The following CELF2 variants were observed in gnomAD, a reference collection of about 807,000 sequenced individuals.
The protein encoded by CELF2 is CUGBP Elav-like family member 2, also known as CUG triplet repeat RNA-binding protein 2.
CELF2 carries 8 observed loss-of-function variants against 62.6 expected under a neutral mutation model. The observed-to-expected ratio is 0.13, with a 90% confidence interval of 0.07 to 0.23. CELF2 has a LOEUF of 0.23. Ranked by LOEUF, CELF2 falls within the 10% of genes least tolerant of loss-of-function variation. CELF2 has a pLI of 1.00. For synonymous variants in CELF2, 258 were observed against 250.0 expected, an observed-to-expected ratio of 1.03 and a Z score of -0.30; for missense variants, 333 against 671.0, an observed-to-expected ratio of 0.50 and a Z score of 5.56.
At chr10:10,896,546 G>C (rs1381326489) in intron 1 of CELF2, among the ~76,000 whole-genome samples, 1 of 151,752 alleles carries the variant, frequency 6.6e-6, no homozygotes, top group Non-Finnish European at 1.5e-5. Context: ...AATATGGCCA[G>C]TATTCTTATA....
At chr10:11,072,201 A>G (rs777016051) in intron 1 of CELF2, among the ~76,000 whole-genome samples, 20 of 152,168 alleles carry the variant, frequency 1.3e-4, no homozygotes, top group Non-Finnish European at 2.6e-4. Context: ...TTTTCAGCCC[A>G]TGGAAGACAC....
At chr10:10,661,924 C>A in the CELF2 span, among the ~76,000 whole-genome samples, 1 of 152,306 alleles carries the variant, frequency 6.6e-6, no homozygotes, top group African/African-American at 2.4e-5. Flanking sequence ...ACCTTTGTAT[C>A]TAAACATCAG....
chr10:10,470,387 G>T, the CELF2 span, among the ~76,000 whole-genome samples: 1 of 151,740 alleles, frequency 6.6e-6, no homozygotes, highest in African/African-American at 2.4e-5. Context: ...TAGATCAGAA[G>T]TCTGATACAG....
At chr10:10,669,228 A>G in the CELF2 span, among the ~76,000 whole-genome samples, 36 of 152,378 alleles carry the variant, frequency 2.4e-4, no homozygotes, top group East Asian at 4.8e-3. Context: ...CCTACAAAAT[A>G]GAGATTAAAA....
the CELF2 span, among the ~76,000 whole-genome samples, chr10:10,775,123 G>A: frequency 8.6e-5 from 13 of 151,968 alleles, no homozygotes; most frequent in South Asian, 1.0e-3. Flanking sequence ...GTGATCCACC[G>A]GCCTCAGCCT....
chr10:10,703,068 C>T, the CELF2 span, among the ~76,000 whole-genome samples: 1 of 152,214 alleles, frequency 6.6e-6, no homozygotes, highest in Admixed American at 6.5e-5. Flanking sequence ...TCCTCCAGAA[C>T]CAACCCGACT....
chr10:11,053,523 A>G (rs577431739), intron 1 of CELF2, among the ~76,000 whole-genome samples: 2 of 151,974 alleles, frequency 1.3e-5, no homozygotes, highest in Non-Finnish European at 2.9e-5. Context: ...AATTTTTTGC[A>G]TCAACAAATT....
chr10:10,497,680 G>A, the CELF2 span, among the ~76,000 whole-genome samples: 318 of 152,324 alleles, frequency 2.1e-3, no homozygotes, highest in Non-Finnish European at 3.8e-3. Flanking sequence ...GCAAGGGCAA[G>A]GCCATGGAGC....
rs961436550 is a variant in CELF2 at position 10,995,227 on chromosome 10, G to A, written c.89+75228G>A. 6.6e-6 allele frequency among the ~76,000 whole-genome samples: 1 copy of A among 152,194 alleles called. No homozygotes were observed. Among genetic ancestry groups the A allele is most frequent in the African/African-American group, 2.4e-5 (1 of 41,450 alleles). ...CTAACACTGTAGTCCTTCAGAAAAA[G>A]AAACGTGTGGCTCATGTAGCTCGTC... On this transcript the variant is annotated intron_variant, in intron 2 of 13. Transcript: ENST00000636488. The surrounding 1 kb of genome is among the most constrained non-coding windows in gnomAD (Gnocchi z 4.7).
the CELF2 span, among the ~76,000 whole-genome samples, chr10:10,598,316 C>T: frequency 2.6e-5 from 4 of 152,140 alleles, no homozygotes; most frequent in African/African-American, 4.8e-5. Context: ...CCTTGATAGA[C>T]GTCTGTCAGT....
the CELF2 span, among the ~76,000 whole-genome samples, chr10:10,686,318 G>GA: frequency 1.2e-5 from 1 of 85,610 alleles, no homozygotes; most frequent in Non-Finnish European, 2.2e-5. Flanking sequence ...TTTGGGGGGG[G>GA]GGGTGGGGTG....
chr10:10,741,435 C>T, the CELF2 span, among the ~76,000 whole-genome samples: 2 of 124,888 alleles, frequency 1.6e-5, no homozygotes, highest in African/African-American at 3.0e-5. Flanking sequence ...TGCTTGAACT[C>T]GGGAGGGAGA....
intron 1 of CELF2, among the ~76,000 whole-genome samples, chr10:10,830,307 A>G (rs937215092): frequency 1.1e-4 from 16 of 151,942 alleles, no homozygotes; most frequent in African/African-American, 3.9e-4. Context: ...AGCCGACAGA[A>G]GGATACTGTA....
chr10:10,558,585 G>C, the CELF2 span, among the ~76,000 whole-genome samples: 1 of 151,774 alleles, frequency 6.6e-6, no homozygotes, highest in Admixed American at 6.6e-5. Context: ...TTTTTCTATT[G>C]ATTGGAATAG....
At position 11,243,446 on chromosome 10, in the gene CELF2, A is replaced by G. The variant is rs1249579736; in HGVS notation, c.355-5707A>G. Reference sequence around the variant, plus strand: ...GGGTTTAGAAGCCTTTCTTGATAGCAATGTGAACTTGAAGAAATGTGTGAC... The same window carrying G: ...GGGTTTAGAAGCCTTTCTTGATAGCGATGTGAACTTGAAGAAATGTGTGAC... On this transcript the variant is annotated intron_variant, in intron 3 of 12. Coordinates refer to ENST00000633077, the MANE Select transcript of CELF2 (RefSeq NM_001326342.2). The surrounding 1 kb of genome is among the most constrained non-coding windows in gnomAD (Gnocchi z 4.1). Among the ~76,000 whole-genome samples, 1 of 152,024 alleles carries G rather than the reference A, an allele frequency of 6.6e-6. No individual in the cohort carries two copies. The highest frequency in any genetic ancestry group is 1.5e-5 in the Non-Finnish European group (1 of 68,016).
At chr10:10,634,893 C>A in the CELF2 span, among the ~76,000 whole-genome samples, 191 of 152,234 alleles carry the variant, frequency 1.3e-3, 1 homozygote, top group African/African-American at 4.3e-3. Context: ...AAGTTCATTT[C>A]TTACCAGCCA....
At chr10:10,840,097 C>T (rs1428686696) in intron 1 of CELF2, among the ~76,000 whole-genome samples, 1 of 152,124 alleles carries the variant, frequency 6.6e-6, no homozygotes, top group Admixed American at 6.6e-5. Flanking sequence ...TTGTTGGTTT[C>T]TCCATTCACC....
At chr10:10,590,976 A>G in the CELF2 span, among the ~76,000 whole-genome samples, 1 of 152,248 alleles carries the variant, frequency 6.6e-6, no homozygotes, top group Non-Finnish European at 1.5e-5. Context: ...AATGCAAATT[A>G]AAACAATAAA....
chr10:10,952,461 A>G (rs201072), intron 2 of CELF2, among the ~76,000 whole-genome samples: 111,225 of 152,192 alleles, frequency 0.73, 42,020 homozygotes, highest in East Asian at 0.92. Context: ...ACAGTGAGCG[A>G]GCAAGGAAGT....
Sources: gnomAD v4.1 joint callset for allele counts (sites outside exome capture counted in the v4.1 genomes callset) on GRCh38, gnomAD v4.1.1 for gene constraint, Gnocchi (gnomAD v3.1) non-coding constraint, MANE v1.5 for transcripts, NCBI Gene and HGNC (gene_info 2026-07-23, HGNC 2026-07-21) for gene names.